The following NXPH1 variants were observed in gnomAD, a reference collection of about 807,000 sequenced individuals.
NXPH1 encodes the protein neurexophilin-1.
Under a neutral mutation model 23.7 loss-of-function variants are expected in NXPH1, and 5 were observed. The observed-to-expected ratio is 0.21, with a 90% confidence interval of 0.11 to 0.44. The LOEUF is 0.44. NXPH1 is among the 20% of genes least tolerant of loss of function. The pLI is 0.99. For missense variants in NXPH1, 324 were observed against 321.6 expected (o/e 1.01, Z -0.06); for synonymous variants, 144 against 122.2 (o/e 1.18, Z -1.18).
intron 2 of NXPH1, among the ~76,000 whole-genome samples, chr7:8,611,986 A>T (rs1174673517): frequency 6.6e-6 from 1 of 152,166 alleles, no homozygotes; most frequent in African/African-American, 2.4e-5. Context: ...AGCCAGATGC[A>T]TTTATAAATA....
At chr7:8,561,351 G>GACACACACACACACACACACACACACAC (rs61219039) in intron 2 of NXPH1, among the ~76,000 whole-genome samples, 1 of 140,856 alleles carries the variant, frequency 7.1e-6, no homozygotes, top group Admixed American at 7.1e-5. Context: ...AAGCCTATGT[G>GACACACACACACACACACACACACACAC]ACACACACAC....
At chr7:8,673,598 C>T (rs999856540) in intron 2 of NXPH1, among the ~76,000 whole-genome samples, 1 of 152,034 alleles carries the variant, frequency 6.6e-6, no homozygotes, top group Non-Finnish European at 1.5e-5. Context: ...TATCTAACTG[C>T]CCCATGCTTC....
intron 2 of NXPH1, among the ~76,000 whole-genome samples, chr7:8,598,693 T>G (rs1420437600): frequency 6.6e-6 from 1 of 152,202 alleles, no homozygotes; most frequent in Non-Finnish European, 1.5e-5. Context: ...ACAGATAAAA[T>G]GTACTTGTAT....
Position 8,729,715 on chromosome 7 carries a change from T to C in NXPH1, c.55-21293T>C, listed in dbSNP as rs914370180. ...CTGTGGTCTGAGAGATAGTTTGTTATAATTTCTGTTCTTTTACATTTGCTG... is the reference window on the plus strand; with the variant it reads ...CTGTGGTCTGAGAGATAGTTTGTTACAATTTCTGTTCTTTTACATTTGCTG... On this transcript the variant is annotated intron_variant, in intron 2 of 2. Transcript: ENST00000405863. Among the ~76,000 whole-genome samples the C allele has an allele frequency of 6.6e-5, 10 of 151,158 alleles. No individual in the cohort carries two copies. The South Asian group carries it at 1.3e-3, about 19-fold the overall frequency.
At chr7:8,655,624 A>G (rs113098963) in intron 2 of NXPH1, among the ~76,000 whole-genome samples, 6 of 151,982 alleles carry the variant, frequency 3.9e-5, no homozygotes, top group African/African-American at 1.4e-4. Flanking sequence ...GTCATATCTC[A>G]TATATGATTA....
At chr7:8,529,651 C>T (rs1212859364) in intron 2 of NXPH1, among the ~76,000 whole-genome samples, 3 of 152,142 alleles carry the variant, frequency 2.0e-5, no homozygotes, top group Non-Finnish European at 4.4e-5. Context: ...TTATATTAAG[C>T]TTAAATTTTC....
At chr7:8,706,140 T>A (rs1779702299) in intron 2 of NXPH1, among the ~76,000 whole-genome samples, 1 of 152,198 alleles carries the variant, frequency 6.6e-6, no homozygotes, top group South Asian at 2.1e-4. Context: ...CTATGTCAAC[T>A]TCTGCAGTTA....
intron 2 of NXPH1, among the ~76,000 whole-genome samples, chr7:8,707,436 A>G (rs911855010): frequency 2.3e-4 from 35 of 152,288 alleles, no homozygotes; most frequent in African/African-American, 8.2e-4. Flanking sequence ...TATGTTCCAC[A>G]AGGAGTTGCC....
chr7:8,620,853 A>T (rs1443189444), intron 2 of NXPH1, among the ~76,000 whole-genome samples: 2 of 152,214 alleles, frequency 1.3e-5, no homozygotes, highest in Non-Finnish European at 2.9e-5. Flanking sequence ...TTAGAAATGG[A>T]TGTTCCAATT....
intron 2 of NXPH1, among the ~76,000 whole-genome samples, chr7:8,721,670 C>G (rs1043448947): frequency 5.3e-5 from 8 of 152,200 alleles, no homozygotes; most frequent in African/African-American, 1.7e-4. Flanking sequence ...CCCAGCTACT[C>G]GGGAGGCTGA....
rs754524003 is a variant in NXPH1, at chr7:8,693,435, A to C, written c.55-57573A>C. On this transcript the variant is annotated intron_variant, in intron 2 of 2. Coordinates refer to ENST00000405863, the MANE Select transcript of NXPH1 (RefSeq NM_152745.3). Reference sequence around the variant, plus strand: ...AAAATGGAGTTGTAATGTCTAAATCATAGTGACCCTAGAAAACATTTAATG... The same window carrying C: ...AAAATGGAGTTGTAATGTCTAAATCCTAGTGACCCTAGAAAACATTTAATG... 1.4e-4 allele frequency among the ~76,000 whole-genome samples: 21 copies of C among 152,198 alleles called. 1 individual carries two copies. The highest frequency in any genetic ancestry group is 2.4e-4 in the Non-Finnish European group (16 of 68,032).
At chr7:8,522,314 G>A (rs943225087) in intron 2 of NXPH1, among the ~76,000 whole-genome samples, 3 of 152,126 alleles carry the variant, frequency 2.0e-5, no homozygotes, top group African/African-American at 7.2e-5. Context: ...CTCTCCAGTT[G>A]TGTGCAGTGT....
At chr7:8,551,494 G>A (rs1001053844) in intron 2 of NXPH1, among the ~76,000 whole-genome samples, 1 of 151,416 alleles carries the variant, frequency 6.6e-6, no homozygotes, top group Non-Finnish European at 1.5e-5. Context: ...TTATAAAATG[G>A]TGATGAATTA....
intron 2 of NXPH1, among the ~76,000 whole-genome samples, chr7:8,501,995 T>C (rs1027506754): frequency 2.0e-5 from 3 of 151,444 alleles, no homozygotes; most frequent in African/African-American, 7.3e-5. Flanking sequence ...GAGTTTGGAG[T>C]GATCTTGTTG....
chr7:8,679,363 A>G (rs1164480384), intron 2 of NXPH1, among the ~76,000 whole-genome samples: 1 of 152,210 alleles, frequency 6.6e-6, no homozygotes, highest in Non-Finnish European at 1.5e-5. Flanking sequence ...TATAATTTCA[A>G]GGAATTGGGG....
intron 2 of NXPH1, among the ~76,000 whole-genome samples, chr7:8,481,036 G>T (rs372530361): frequency 6.6e-6 from 1 of 152,196 alleles, no homozygotes; most frequent in African/African-American, 2.4e-5. Context: ...TCAGGATGAG[G>T]ATCACACATG....
intron 2 of NXPH1, among the ~76,000 whole-genome samples, chr7:8,674,205 C>CACCCT: frequency 1.5e-5 from 2 of 133,510 alleles, no homozygotes; most frequent in African/African-American, 5.5e-5. Flanking sequence ...ACACACACAC[C>CACCCT]TATGCAATTC....
intron 2 of NXPH1, among the ~76,000 whole-genome samples, chr7:8,655,230 C>CA (rs1311463909): frequency 3.3e-5 from 5 of 151,968 alleles, no homozygotes; most frequent in Non-Finnish European, 7.4e-5. Flanking sequence ...ACCAAAAATA[C>CA]AAAAATTAGC....
chr7:8,739,002 A>C (rs1780312277), intron 2 of NXPH1, among the ~76,000 whole-genome samples: 1 of 151,900 alleles, frequency 6.6e-6, no homozygotes, highest in Non-Finnish European at 1.5e-5. Context: ...TCCCAGGTCG[A>C]CTTCAGACTG....
Sources: allele counts gnomAD v4.1 joint callset (sites outside exome capture counted in the v4.1 genomes callset), GRCh38; gene constraint gnomAD v4.1.1; transcripts MANE v1.5; gene names NCBI Gene and HGNC (gene_info 2026-07-23, HGNC 2026-07-21).